The following KMT2D variants were observed in gnomAD, a reference collection of about 807,000 sequenced individuals.
KMT2D encodes the protein lysine methyltransferase 2D.
Under a neutral mutation model 512.7 loss-of-function variants are expected in KMT2D, and 55 were observed. The observed-to-expected ratio is 0.11, with a 90% confidence interval of 0.09 to 0.13. The LOEUF (loss-of-function observed/expected upper bound fraction) is 0.13. Ranked by LOEUF, KMT2D falls within the 10% of genes least tolerant of loss-of-function variation. The pLI is 1.00. For synonymous variants in KMT2D, 2,995 were observed against 2,904.0 expected, an observed-to-expected ratio of 1.03 and a Z score of -1.01; for missense variants, 6,061 against 7,127.9, an observed-to-expected ratio of 0.85 and a Z score of 5.39.
chr12:49,043,469 A>T, intron 24 of KMT2D, 41 bp from the exon 25 acceptor site: 1 of 1,607,982 alleles, frequency 6.2e-7, no homozygotes, highest in Non-Finnish European at 8.5e-7. Flanking sequence ...GATGTCCTAC[A>T]TCTGATGCCC....
rs758853123 is a variant in KMT2D, at chr12:49,050,749, C to A, written c.2839G>T (p.Ala947Ser). The change falls in exon 12 of 55, where the codon GCC (alanine) becomes TCC (serine). Residue 947 changes from alanine to serine, a missense_variant. Physicochemically the swap from Ala to Ser is moderately conservative, Grantham distance 99. Around this residue, in one of 16 missense-constraint regions of KMT2D, gnomAD observed 848 missense variants for 838.5 expected, o/e 1.01. Transcript: ENST00000301067. ...PPLSPIITAA[A>S]PPALSPLGEL... Reference sequence around the variant, plus strand: ...CCCAAAGGAGACAGGGCCGGTGGGGCCGCAGCTGTGATGATGGGTGAGAGT... The same window carrying A: ...CCCAAAGGAGACAGGGCCGGTGGGGACGCAGCTGTGATGATGGGTGAGAGT... 1.6e-5 allele frequency: 25 copies of A among 1,611,928 alleles called. No individual in the cohort carries two copies. The Admixed American group carries it at 4.2e-4, about 27-fold the overall frequency.
rs760188211 is a variant in KMT2D, at chr12:49,041,469, C to G, written c.6301G>C (p.Ala2101Pro). The change falls in exon 32 of 55, where the codon GCC becomes CCC. Residue 2101 changes from alanine to proline, a missense_variant. This residue lies in a region of KMT2D where 710 missense variants were observed against 647.3 expected (regional missense o/e 1.10). Coordinates refer to ENST00000301067, the MANE Select transcript of KMT2D (RefSeq NM_003482.4). The surrounding 1 kb of genome is among the most constrained non-coding windows in gnomAD (Gnocchi z 5.4). The part of the protein sequence containing the change: ...GDIARKTDRP[A>P]LHLRIPPQPG... Reference sequence around the variant, plus strand: ...TGCGGGGGAATGCGGAGATGTAGGGCCGGTCGGTCAGTCTTACGGGCTATG... The same window carrying G: ...TGCGGGGGAATGCGGAGATGTAGGGGCGGTCGGTCAGTCTTACGGGCTATG... 4 of 1,613,448 alleles carry G rather than the reference C, an allele frequency of 2.5e-6. No individual in the cohort carries two copies. In the South Asian group the frequency reaches 4.4e-5, roughly 18 times the overall value.
Position 49,032,886 on chromosome 12 carries a change from AGCTGCTGCTGCTGTTGCT to A in KMT2D, c.11801_11818del (p.Gln3934_Gln3939del). ...AAGCTGTTGCTGCTGCTGTTGTTGA[AGCTGCTGCTGCTGTTGCT>A]GCTGTTGAAGCTGTTGCTGCTGAAG... On this transcript the variant is annotated inframe_deletion, in exon 40 of 55. Coordinates refer to ENST00000301067, the MANE Select transcript of KMT2D (RefSeq NM_003482.4). The A allele has an allele frequency of 6.5e-7, 1 of 1,548,266 alleles. No individual in the cohort carries two copies. The highest frequency in any genetic ancestry group is 1.4e-5 in the African/African-American group (1 of 72,344).
At position 49,041,640 on chromosome 12, in the gene KMT2D, C is replaced by T. The variant is rs1012221513; in HGVS notation, c.6234+15G>A. ...CCACTAGAGGACTGCTACACCCCAGCCCAGCCCCACTCACCTTCTGCACCT... is the reference window on the plus strand; with the variant it reads ...CCACTAGAGGACTGCTACACCCCAGTCCAGCCCCACTCACCTTCTGCACCT... On this transcript the variant is annotated intron_variant, in intron 31 of 54. Coordinates refer to ENST00000301067, the MANE Select transcript of KMT2D (RefSeq NM_003482.4). The surrounding 1 kb of genome is among the most constrained non-coding windows in gnomAD (Gnocchi z 5.4). The T allele has an allele frequency of 5.6e-6, 9 of 1,613,464 alleles. No individual in the cohort carries two copies. Among genetic ancestry groups the T allele is most frequent in the Non-Finnish European group, 7.6e-6 (9 of 1,179,612 alleles).
chr12:49,043,081 G>A lies in KMT2D; in HGVS notation c.5639C>T (p.Thr1880Ile). Residue 1880 changes from threonine (T) to isoleucine (I), a missense_variant, in exon 26 of 55, where the codon ACA (threonine) becomes ATA (isoleucine). Physicochemically the swap from Thr to Ile is moderately conservative, Grantham distance 89. Around this residue, in one of 16 missense-constraint regions of KMT2D, gnomAD observed 640 missense variants for 814.3 expected, o/e 0.79. Coordinates refer to ENST00000301067, the MANE Select transcript of KMT2D (RefSeq NM_003482.4). ...GGTACGGGTCACAGCCTCACCTTCT[G>A]TGGAAATCCTGTCTAAGTCAGAGCT... The part of the protein sequence containing the change: ...MLSSDLDRIS[T>I]EELPKMESKD... The A allele has an allele frequency of 6.2e-7, 1 of 1,612,992 alleles. No individual in the cohort carries two copies. The highest frequency in any genetic ancestry group is 8.5e-7 in the Non-Finnish European group (1 of 1,179,000).
chr12:49,040,513 G>T lies in KMT2D; in HGVS notation c.7257C>A (p.Ser2419=). 1.9e-6 allele frequency: 3 copies of T among 1,597,484 alleles called. No homozygotes were observed. The highest frequency in any genetic ancestry group is 2.6e-6 in the Non-Finnish European group (3 of 1,169,696). The change falls in exon 32 of 55, where the codon TCC becomes TCA. Residue 2419 remains serine (S), a synonymous_variant. Coordinates refer to ENST00000301067, the MANE Select transcript of KMT2D (RefSeq NM_003482.4). Reference sequence around the variant, plus strand: ...GGGGTGTCAGTGGAGACTGGGAGCTGGACTGGGACTGAGGACTGGCAGGCA... The same window carrying T: ...GGGGTGTCAGTGGAGACTGGGAGCTTGACTGGGACTGAGGACTGGCAGGCA... ...SRVPASPQSQ[S]SSQSPLTPRP... is the part of the protein sequence containing the mutation.
At position 49,027,821 on chromosome 12, in the gene KMT2D, G is replaced by C. The variant is rs1942680573; in HGVS notation, c.14625C>G (p.Ile4875Met). 1 of 1,575,856 alleles carries C rather than the reference G, an allele frequency of 6.3e-7. No homozygotes were observed. The highest frequency in any genetic ancestry group is 1.4e-5 in the African/African-American group (1 of 73,942). ...GACCTACCTGTTTCAGGAGGCTCAA[G>C]ATGTCTAGTTGGCTCTTCAGGGTAT... ...PGYTLKSQLD[I>M]LSLLKQESPA... is the part of the protein sequence containing the mutation. The change falls in exon 48 of 55, where the codon ATC (isoleucine) becomes ATG (methionine). Residue 4875 changes from isoleucine to methionine, a missense_variant. This residue lies in a region of KMT2D where 1,600 missense variants were observed against 1,754.9 expected (regional missense o/e 0.91). Transcript: ENST00000301067.
chr12:49,041,118 G>A lies in KMT2D; in HGVS notation c.6652C>T (p.Pro2218Ser), dbSNP rs760319994. Residue 2218 changes from proline to serine, a missense_variant, in exon 32 of 55, where the codon CCT (proline) becomes TCT (serine). This residue lies in a region of KMT2D where 710 missense variants were observed against 647.3 expected (regional missense o/e 1.10). Coordinates refer to ENST00000301067, the MANE Select transcript of KMT2D (RefSeq NM_003482.4). The surrounding 1 kb of genome is among the most constrained non-coding windows in gnomAD (Gnocchi z 5.4). ...QPPMLGASSRPGAGQPGEFHT... is the reference protein window; with the variant it reads ...QPPMLGASSRSGAGQPGEFHT... ...AATTCCCCTGGCTGGCCAGCCCCAG[G>A]ACGAGATGAGGCGCCCAGCATCGGG... 6.5e-7 allele frequency: 1 copy of A among 1,529,168 alleles called. No homozygotes were observed. Among genetic ancestry groups the A allele is most frequent in the Non-Finnish European group, 8.8e-7 (1 of 1,142,020 alleles). 94.7% of individuals were successfully genotyped at this position (1,529,168 alleles called of 1,614,324 possible).
In KMT2D at chr12:49,051,473, C is replaced by A; in HGVS notation, c.2210G>T (p.Arg737Leu). The A allele has an allele frequency of 6.2e-7, 1 of 1,612,862 alleles. No homozygotes were observed. The highest frequency in any genetic ancestry group is 8.5e-7 in the Non-Finnish European group (1 of 1,179,480). ...PLPEEPQLCPRSEGPHLSPRP... is the reference protein window; with the variant it reads ...PLPEEPQLCPLSEGPHLSPRP... ...GGGTGACAGGTGCGGCCCCTCGGAC[C>A]GGGGGCAGAGTTGCGGCTCCTCAGG... Residue 737 changes from arginine (R) to leucine (L), a missense_variant, in exon 11 of 55, where the codon CGG becomes CTG. By Grantham distance (102) the Arg-to-Leu change is moderately radical. This residue lies in a region of KMT2D where 848 missense variants were observed against 838.5 expected (regional missense o/e 1.01). Transcript: ENST00000301067.
In KMT2D at chr12:49,041,306, G is replaced by A. The variant is rs776944266; in HGVS notation, c.6464C>T (p.Ser2155Leu). Residue 2155 changes from serine to leucine, a missense_variant, in exon 32 of 55, where the codon TCG becomes TTG. Physicochemically the swap from Ser to Leu is moderately radical, Grantham distance 145. Coordinates refer to ENST00000301067, the MANE Select transcript of KMT2D (RefSeq NM_003482.4). This position sits in a 1 kb window ranked among gnomAD's most constrained non-coding sequence, Gnocchi z 5.4. The part of the protein sequence containing the change: ...PPAGSVPGPD[S>L]PGELFLKLPP... ...GAGCTTGAGGAAGAGCTCACCAGGC[G>A]AGTCAGGGCCAGGCACCGAGCCCGC... 2.2e-5 allele frequency: 33 copies of A among 1,529,896 alleles called. No individual in the cohort carries two copies. The highest frequency in any genetic ancestry group is 3.5e-4 in the Middle Eastern group (2 of 5,668). 94.8% of individuals were successfully genotyped at this position (1,529,896 alleles called of 1,614,324 possible).
rs776980017 is a variant in KMT2D at position 49,038,681 on chromosome 12, C to A, written c.8675G>T (p.Gly2892Val). ...HNVQKGLGPG[G>V]TPFPGQGPPQ... ...TGGGCCCTGACCAGGAAACGGAGTG[C>A]CCCCAGGTCCCAGTCCTTTCTGTAC... is the stretch of plus-strand genomic sequence containing the variant. Residue 2892 changes from glycine (G) to valine (V), a missense_variant, in exon 35 of 55, where the codon GGC (glycine) becomes GTC (valine). Coordinates refer to ENST00000301067, the MANE Select transcript of KMT2D (RefSeq NM_003482.4). The surrounding 1 kb of genome is among the most constrained non-coding windows in gnomAD (Gnocchi z 5.7). 3.1e-6 allele frequency: 5 copies of A among 1,612,422 alleles called. No homozygotes were observed. The highest frequency in any genetic ancestry group is 4.5e-5 in the East Asian group (2 of 44,866).
chr12:49,041,856 A>G lies in KMT2D; in HGVS notation c.6183+61T>C. On this transcript the variant is annotated intron_variant, in intron 30 of 54. Coordinates refer to ENST00000301067, the MANE Select transcript of KMT2D (RefSeq NM_003482.4). This position sits in a 1 kb window ranked among gnomAD's most constrained non-coding sequence, Gnocchi z 5.4. ...GGAGCGGAAAGAACTGAGGTAAATT[A>G]CCCAAAGATCCCTCCCTCCCTCTCA... 1 of 1,538,990 alleles carries G rather than the reference A, an allele frequency of 6.5e-7. No homozygotes were observed. Among genetic ancestry groups the G allele is most frequent in the Admixed American group, 1.9e-5 (1 of 51,666 alleles).
Position 49,040,378 on chromosome 12 carries a change from G to A in KMT2D, c.7392C>T (p.Ala2464=), listed in dbSNP as rs1310721512. The change falls in exon 32 of 55, where the codon GCC becomes GCT. Residue 2464 remains alanine, a synonymous_variant. Coordinates refer to ENST00000301067, the MANE Select transcript of KMT2D (RefSeq NM_003482.4). ...PSRPQSRDPF[A]PLHKPPRPQP... ...GGGGTCGGGGTGGCTTATGCAATGG[G>A]GCAAATGGGTCACGGGACTGAGGGC... 1 of 1,566,124 alleles carries A rather than the reference G, an allele frequency of 6.4e-7. No homozygotes were observed. The highest frequency in any genetic ancestry group is 1.2e-5 in the South Asian group (1 of 83,384).
intron 1 of KMT2D, among the ~76,000 whole-genome samples, chr12:49,058,701 C>T (rs530281519): frequency 6.6e-6 from 1 of 152,266 alleles, no homozygotes; most frequent in Non-Finnish European, 1.5e-5. Context: ...GGTACAGGAT[C>T]AGAAAACCAG....
At position 49,054,426 on chromosome 12, in the gene KMT2D, TG is replaced by T. The variant is rs745388553; in HGVS notation, c.401-11del. 113 of 1,577,458 alleles carry T rather than the reference TG, an allele frequency of 7.2e-5. No individual in the cohort carries two copies. In the African/African-American group the frequency reaches 1.4e-3, roughly 19 times the overall value. On this transcript the variant is annotated splice_polypyrimidine_tract_variant and intron_variant, in intron 4 of 54. Transcript: ENST00000301067. The surrounding 1 kb of genome is among the most constrained non-coding windows in gnomAD (Gnocchi z 6.4). ...TGAGCCCAGCAGGACCCTTTACAGG[TG>T]GGAAGAGGTAAAGAGAAAGGAAAGA...
chr12:49,046,556 C>T lies in KMT2D; in HGVS notation c.4418+53G>A, dbSNP rs2120608518. 6.3e-7 allele frequency: 1 copy of T among 1,580,100 alleles called. No individual in the cohort carries two copies. ...TCTGTCACATACTCAACATCATATC[C>T]ACTTTAACATCTCAAGGCCCCAGGG... On this transcript the variant is annotated intron_variant, in intron 16 of 54. Transcript: ENST00000301067. The surrounding 1 kb of genome is among the most constrained non-coding windows in gnomAD (Gnocchi z 4.2).
chr12:49,041,176 G>A lies in KMT2D; in HGVS notation c.6594C>T (p.Pro2198=), dbSNP rs2120542922. ...CAGGGGCCCCCGTAGGACTAGGATA[G>A]GGGGGATAGGTGGGCGGTGCCGTGG... ...RFPTAPPTYP[P]YPSPTGAPAQ... Residue 2198 remains proline, a synonymous_variant, in exon 32 of 55, where the codon CCC becomes CCT. Transcript: ENST00000301067. The surrounding 1 kb of genome is among the most constrained non-coding windows in gnomAD (Gnocchi z 5.4). 2 of 1,519,036 alleles carry A rather than the reference G, an allele frequency of 1.3e-6. No individual in the cohort carries two copies. The highest frequency in any genetic ancestry group is 8.8e-7 in the Non-Finnish European group (1 of 1,136,404). The allele number at this position is 1,519,036 out of a possible 1,614,324, so 94.1% of individuals were successfully genotyped here.
chr12:49,041,778 C>G lies in KMT2D; in HGVS notation c.6184-73G>C. 1 of 1,544,600 alleles carries G rather than the reference C, an allele frequency of 6.5e-7. No individual in the cohort carries two copies. On this transcript the variant is annotated intron_variant, in intron 30 of 54. Transcript: ENST00000301067. This position sits in a 1 kb window ranked among gnomAD's most constrained non-coding sequence, Gnocchi z 5.4. ...CCCCGCCCCCATACTGTAGTGTTTTCACACTCCCTACCCAGAAGCAGATCC... is the reference window on the plus strand; with the variant it reads ...CCCCGCCCCCATACTGTAGTGTTTTGACACTCCCTACCCAGAAGCAGATCC...
chr12:49,045,933 C>A lies in KMT2D; in HGVS notation c.4728G>T (p.Lys1576Asn). The A allele has an allele frequency of 6.2e-7, 1 of 1,613,934 alleles. No homozygotes were observed. Among genetic ancestry groups the A allele is most frequent in the Non-Finnish European group, 8.5e-7 (1 of 1,179,848 alleles). ...TCTGTGACTCACCTGGCTCTTTCAC[C>A]TTCATGGGCACCAGCTCTGGAGGTG... ...PVAPPELVPM[K>N]VKEPEPQYFR... Residue 1576 changes from lysine (K) to asparagine (N), a missense_variant, in exon 19 of 55, where the codon AAG (lysine) becomes AAT (asparagine). Lys to Asn is a moderately conservative substitution (Grantham distance 94, BLOSUM62 0). Coordinates refer to ENST00000301067, the MANE Select transcript of KMT2D (RefSeq NM_003482.4).
Sources: gnomAD v4.1 joint callset for allele counts (sites outside exome capture counted in the v4.1 genomes callset) on GRCh38, gnomAD v4.1.1 for gene constraint, gnomAD v4.1.1 regional missense constraint, Gnocchi (gnomAD v3.1) non-coding constraint, MANE v1.5 for transcripts, NCBI Gene and HGNC (gene_info 2026-07-23, HGNC 2026-07-21) for gene names.